Variants in ERC2 observed in about 807,000 individuals in gnomAD.
The protein encoded by ERC2 is ERC protein 2.
Under a neutral mutation model 114.8 loss-of-function variants are expected in ERC2, and 42 were observed. That is an observed-to-expected ratio of 0.37 (90% CI 0.29 to 0.47). The LOEUF (loss-of-function observed/expected upper bound fraction) is 0.47, where lower values mean the gene tolerates loss of function less well. Among genes scored for constraint, ERC2 ranks in the 20% least tolerant of loss-of-function variants. The pLI, the probability that ERC2 is intolerant of heterozygous loss-of-function variation, is 0.99. For missense variants in ERC2, 939 were observed against 1,150.7 expected (o/e 0.82, Z 2.66); for synonymous variants, 454 against 425.5 (o/e 1.07, Z -0.82).
At chr3:55,884,733 C>A (rs1347724865) in intron 14 of ERC2, among the ~76,000 whole-genome samples, 2 of 152,096 alleles carry the variant, frequency 1.3e-5, no homozygotes, top group African/African-American at 4.8e-5. Context: ...CAGGCTTCTG[C>A]AGGCTGAGAG....
At chr3:56,460,886 C>T (rs954935747) in intron 1 of ERC2, among the ~76,000 whole-genome samples, 14 of 148,058 alleles carry the variant, frequency 9.5e-5, no homozygotes, top group Non-Finnish European at 2.1e-4. Context: ...TTTGGGAGGC[C>T]GAGGCGGGCG....
intron 8 of ERC2, among the ~76,000 whole-genome samples, chr3:56,015,729 G>A (rs1164023169): frequency 6.6e-6 from 1 of 152,136 alleles, no homozygotes; most frequent in African/African-American, 2.4e-5. Flanking sequence ...ACCCAGTAAT[G>A]GGATTGCTGG....
chr3:56,189,317 T>C (rs559823077), intron 3 of ERC2, among the ~76,000 whole-genome samples: 83 of 152,366 alleles, frequency 5.4e-4, no homozygotes, highest in African/African-American at 1.8e-3. Flanking sequence ...TCAACTGTTC[T>C]TGATGGAATG....
intron 7 of ERC2, among the ~76,000 whole-genome samples, chr3:56,064,092 A>G (rs2076362223): frequency 1.3e-5 from 2 of 152,162 alleles, no homozygotes; most frequent in African/African-American, 4.8e-5. Context: ...TACATCCTCA[A>G]TCTTTTCCTA....
intron 1 of ERC2, among the ~76,000 whole-genome samples, chr3:56,443,958 A>ACTTTTT (rs773898128): frequency 3.7e-5 from 3 of 80,238 alleles, no homozygotes; most frequent in Non-Finnish European, 6.6e-5. Context: ...AATACCTACA[A>ACTTTTT]TTTTTTTTTT....
chr3:55,911,411 G>C (rs1254046122), intron 13 of ERC2, among the ~76,000 whole-genome samples: 1 of 152,180 alleles, frequency 6.6e-6, no homozygotes, highest in Non-Finnish European at 1.5e-5. Flanking sequence ...GTAAGGGAAA[G>C]AGCATTGACT....
In ERC2 at chr3:55,559,883, C is replaced by T. The variant is rs533169245; in HGVS notation, c.*40-48607G>A. Reference sequence around the variant, plus strand: ...ATCATCAGTTTCTGGGGAAACAGAGCGCTAGCCCACAGCGTACGGATGGCC... The same window carrying T: ...ATCATCAGTTTCTGGGGAAACAGAGTGCTAGCCCACAGCGTACGGATGGCC... On this transcript the variant is annotated intron_variant, in intron 17 of 17. Coordinates refer to ENST00000288221, the MANE Select transcript of ERC2 (RefSeq NM_015576.3). Among the ~76,000 whole-genome samples, 4 of 152,360 alleles carry T rather than the reference C, an allele frequency of 2.6e-5. No individual in the cohort carries two copies. In the East Asian group the frequency reaches 5.8e-4, roughly 22 times the overall value.
In ERC2 at chr3:56,038,410, A is replaced by G. The variant is rs569829691; in HGVS notation, c.1642-19379T>C. On this transcript the variant is annotated intron_variant, in intron 7 of 17. Transcript: ENST00000288221. ...ACTATCTCACGCCAGTCAAATCCCA[A>G]TTATTAAAAAAATCAAGAAACAACA... Among the ~76,000 whole-genome samples, 12 of 152,276 alleles carry G rather than the reference A, an allele frequency of 7.9e-5. No individual in the cohort carries two copies. The South Asian group carries it at 2.3e-3, about 29-fold the overall frequency.
chr3:56,277,835 GGATTGCCC>G (rs1194966317), intron 3 of ERC2, among the ~76,000 whole-genome samples: 9 of 152,092 alleles, frequency 5.9e-5, no homozygotes, highest in African/African-American at 2.2e-4. Context: ...ATAAGGGTTG[GGATTGCCC>G]CTTGGGAAGC....
intron 2 of ERC2, among the ~76,000 whole-genome samples, chr3:56,389,286 T>C (rs1293832130): frequency 6.6e-6 from 1 of 151,984 alleles, no homozygotes; most frequent in African/African-American, 2.4e-5. Context: ...GAGGCATGAG[T>C]CAGACTTCAC....
At chr3:55,927,921 T>C (rs1317606164) in intron 13 of ERC2, among the ~76,000 whole-genome samples, 1 of 152,210 alleles carries the variant, frequency 6.6e-6, no homozygotes, top group East Asian at 1.9e-4. Context: ...ACCCATGTTG[T>C]TGCAAATGAC....
At chr3:56,411,580 C>A (rs1194090914) in intron 2 of ERC2, among the ~76,000 whole-genome samples, 1 of 152,096 alleles carries the variant, frequency 6.6e-6, no homozygotes, top group Non-Finnish European at 1.5e-5. Flanking sequence ...AACTTCACTT[C>A]TAAATGGAAG....
chr3:55,666,403 C>T (rs2061358909), intron 17 of ERC2, among the ~76,000 whole-genome samples: 1 of 152,206 alleles, frequency 6.6e-6, no homozygotes, highest in Non-Finnish European at 1.5e-5. Context: ...CTTCCCTTCC[C>T]TCCCTCTGTG....
chr3:55,984,295 A>C (rs2070401104), intron 12 of ERC2, among the ~76,000 whole-genome samples: 1 of 152,086 alleles, frequency 6.6e-6, no homozygotes, highest in Admixed American at 6.6e-5. Flanking sequence ...AAATAGGAAA[A>C]AAAAAACAAA....
At chr3:56,288,519 T>C (rs937762078) in intron 3 of ERC2, among the ~76,000 whole-genome samples, 5 of 152,188 alleles carry the variant, frequency 3.3e-5, no homozygotes, top group Non-Finnish European at 7.3e-5. Context: ...CAGTTGATGA[T>C]ACTCATTGAA....
intron 3 of ERC2, among the ~76,000 whole-genome samples, chr3:56,288,899 C>T (rs1206452142): frequency 6.6e-6 from 1 of 152,172 alleles, no homozygotes; most frequent in Non-Finnish European, 1.5e-5. Context: ...ACATTCAATT[C>T]TAGTGGTTAA....
intron 2 of ERC2, among the ~76,000 whole-genome samples, chr3:56,331,125 C>T (rs137876488): frequency 1.1e-3 from 170 of 152,332 alleles, no homozygotes; most frequent in African/African-American, 3.8e-3. Flanking sequence ...TAACCTTGAT[C>T]TTCTGTGTTC....
At chr3:56,171,275 A>T (rs1382383912) in intron 4 of ERC2, among the ~76,000 whole-genome samples, 1 of 152,188 alleles carries the variant, frequency 6.6e-6, no homozygotes, top group East Asian at 1.9e-4. Flanking sequence ...ATGAGATCAC[A>T]GCCTCCAGCC....
At chr3:56,439,339 G>A (rs1007224735) in intron 1 of ERC2, among the ~76,000 whole-genome samples, 2 of 152,142 alleles carry the variant, frequency 1.3e-5, no homozygotes. Context: ...CAGCTACTTG[G>A]GGAGAGTGAA....
Sources: allele counts gnomAD v4.1 joint callset (sites outside exome capture counted in the v4.1 genomes callset), GRCh38; gene constraint gnomAD v4.1.1; transcripts MANE v1.5; gene names NCBI Gene and HGNC (gene_info 2026-07-23, HGNC 2026-07-21).